The following CORIN variants were observed in gnomAD, a reference collection of about 807,000 sequenced individuals.
CORIN encodes the protein corin, serine peptidase.
CORIN carries 117 observed loss-of-function variants against 125.3 expected under a neutral mutation model. That is an observed-to-expected ratio of 0.93 (90% CI 0.80 to 1.09). CORIN has a LOEUF of 1.09. Among genes scored for constraint, CORIN ranks in the 50% least tolerant of loss-of-function variants. The pLI is 0.00. For synonymous variants in CORIN, 450 were observed against 466.4 expected, an observed-to-expected ratio of 0.96 and a Z score of 0.45; for missense variants, 1,253 against 1,306.7, an observed-to-expected ratio of 0.96 and a Z score of 0.63.
At position 47,614,708 on chromosome 4, in the gene CORIN, GA is replaced by G. The variant is rs543856401; in HGVS notation, c.2540+8862del. Among the ~76,000 whole-genome samples, 808 of 152,274 alleles carry G rather than the reference GA, an allele frequency of 5.3e-3. 4 individuals are homozygous for G. Among genetic ancestry groups the G allele is most frequent in the South Asian group, 0.012 (59 of 4,822 alleles). ...GAGACAAATTACAGCCCTACATACT[GA>G]AATGACTACAGACATGATTACTAAG... On this transcript the variant is annotated intron_variant, in intron 19 of 21. Transcript: ENST00000273857.
At chr4:47,646,936 A>G (rs1338677221) in intron 13 of CORIN, among the ~76,000 whole-genome samples, 1 of 152,316 alleles carries the variant, frequency 6.6e-6, no homozygotes, top group African/African-American at 2.4e-5. Context: ...CTTTTCATTA[A>G]AAACAATTAT....
intron 5 of CORIN, among the ~76,000 whole-genome samples, chr4:47,708,386 C>G (rs1233508503): frequency 6.6e-6 from 1 of 152,164 alleles, no homozygotes; most frequent in Non-Finnish European, 1.5e-5. Flanking sequence ...CTCTGACTCT[C>G]CTCTTCTGCC....
chr4:47,658,834 A>G (rs1186865355), intron 12 of CORIN, among the ~76,000 whole-genome samples: 1 of 152,202 alleles, frequency 6.6e-6, no homozygotes, highest in Non-Finnish European at 1.5e-5. Flanking sequence ...TTTCTTTACC[A>G]CATAGGTAGG....
intron 6 of CORIN, among the ~76,000 whole-genome samples, chr4:47,688,219 G>A (rs1374551869): frequency 6.6e-6 from 1 of 152,132 alleles, no homozygotes; most frequent in Non-Finnish European, 1.5e-5. Context: ...TTTACTAGAA[G>A]GACTCCCTGC....
chr4:47,744,695 T>C, intron 4 of CORIN, 112 bp from the exon 5 acceptor site: 1 of 1,013,324 alleles, frequency 9.9e-7, no homozygotes, highest in East Asian at 2.6e-5. Flanking sequence ...TAATTTATAC[T>C]TACTATAGTC....
rs75382364 is a variant in CORIN, at chr4:47,646,477, G to A, written c.1844-1283C>T. On this transcript the variant is annotated intron_variant, in intron 13 of 21. Transcript: ENST00000273857. ...CTATGAAATAGCAAGCACTTGTGAT[G>A]TATTTAATAAATGCCATTGATGATT... is the stretch of plus-strand genomic sequence containing the variant. Among the ~76,000 whole-genome samples the A allele has an allele frequency of 0.012, 1,849 of 152,334 alleles. 69 individuals are homozygous for A. In the East Asian group the frequency reaches 0.13, roughly 11 times the overall value.
At chr4:47,707,444 T>C (rs1726626367) in intron 5 of CORIN, among the ~76,000 whole-genome samples, 1 of 152,150 alleles carries the variant, frequency 6.6e-6, no homozygotes, top group African/African-American at 2.4e-5. Context: ...ATTTCCCAGC[T>C]GAAATTCCTC....
intron 19 of CORIN, among the ~76,000 whole-genome samples, chr4:47,623,131 C>A (rs1487787622): frequency 6.8e-6 from 1 of 147,498 alleles, no homozygotes; most frequent in East Asian, 2.0e-4. Flanking sequence ...CACACACACA[C>A]ACTCTCTCTG....
intron 19 of CORIN, among the ~76,000 whole-genome samples, chr4:47,605,014 G>T (rs1269360953): frequency 6.6e-6 from 1 of 152,074 alleles, no homozygotes; most frequent in Non-Finnish European, 1.5e-5. Context: ...CATGCCAAGA[G>T]CATCCTCAAC....
intron 5 of CORIN, among the ~76,000 whole-genome samples, chr4:47,722,773 G>A (rs1727413655): frequency 6.6e-6 from 1 of 152,146 alleles, no homozygotes. Context: ...GAGTAAAAAT[G>A]TCCCACCTTA....
intron 10 of CORIN, among the ~76,000 whole-genome samples, chr4:47,671,557 A>C (rs560496570): frequency 1.3e-3 from 201 of 152,256 alleles, no homozygotes; most frequent in African/African-American, 4.7e-3. Context: ...TTTCAACTGC[A>C]AGTTAGGCAC....
intron 4 of CORIN, among the ~76,000 whole-genome samples, chr4:47,755,799 C>CA (rs1577894465): frequency 1.3e-5 from 2 of 152,238 alleles, no homozygotes; most frequent in South Asian, 4.1e-4. Context: ...AATATACACA[C>CA]AAAATTTGAT....
chr4:47,797,827 T>A (rs991569072), intron 2 of CORIN, among the ~76,000 whole-genome samples: 55 of 152,082 alleles, frequency 3.6e-4, no homozygotes, highest in African/African-American at 1.2e-3. Context: ...AAAAGAATTA[T>A]CTCATGTAGA....
intron 16 of CORIN, among the ~76,000 whole-genome samples, chr4:47,637,934 T>C (rs1165719332): frequency 6.6e-6 from 1 of 152,124 alleles, no homozygotes. Context: ...CCGCAGACAC[T>C]CTATGCCAGC....
In CORIN at chr4:47,711,547, T is replaced by C. The variant is rs113601499; in HGVS notation, c.800-18464A>G. On this transcript the variant is annotated intron_variant, in intron 5 of 21. Transcript: ENST00000273857. The stretch of plus-strand genomic sequence containing the variant: ...ACAGGTGAAGACCATAGTCTAGGGA[T>C]TGGTGAAGCAAGAAATAGATGGAGC... Among the ~76,000 whole-genome samples the C allele has an allele frequency of 7.9e-5, 12 of 152,334 alleles. 1 individual carries two copies. Among genetic ancestry groups the C allele is most frequent in the Admixed American group, 2.6e-4 (4 of 15,310 alleles).
chr4:47,778,261 T>C (rs1220402986), intron 3 of CORIN, among the ~76,000 whole-genome samples: 1 of 152,214 alleles, frequency 6.6e-6, no homozygotes. Flanking sequence ...TGTATTAATA[T>C]GGCATAAACA....
At chr4:47,664,319 A>T (rs1255012665) in intron 11 of CORIN, among the ~76,000 whole-genome samples, 2 of 152,208 alleles carry the variant, frequency 1.3e-5, no homozygotes, top group Non-Finnish European at 2.9e-5. Context: ...AATGAATCAG[A>T]AGCACTTTAC....
chr4:47,773,529 G>A (rs1228119142), intron 3 of CORIN, among the ~76,000 whole-genome samples: 3 of 152,114 alleles, frequency 2.0e-5, no homozygotes, highest in Non-Finnish European at 4.4e-5. Context: ...TTTAAATAAC[G>A]CTCTCTAATT....
intron 2 of CORIN, among the ~76,000 whole-genome samples, chr4:47,802,913 A>G (rs1216276426): frequency 1.3e-5 from 2 of 152,238 alleles, no homozygotes; most frequent in East Asian, 3.9e-4. Context: ...CAGCACAGGG[A>G]GAGAGAGAGA....
Sources: allele counts gnomAD v4.1 joint callset (sites outside exome capture counted in the v4.1 genomes callset), GRCh38; gene constraint gnomAD v4.1.1; transcripts MANE v1.5; gene names NCBI Gene and HGNC (gene_info 2026-07-23, HGNC 2026-07-21).